DELE1: variants seen among roughly 807,000 people sequenced by gnomAD.
DELE1 encodes the protein death ligand signal enhancer.
Under a neutral mutation model 59.3 loss-of-function variants are expected in DELE1, and 54 were observed. The ratio of observed to expected loss-of-function variants is 0.91; its 90% confidence interval spans 0.73 to 1.14. The LOEUF (loss-of-function observed/expected upper bound fraction) is 1.14. Ranked by LOEUF, DELE1 falls within the 50% of genes most tolerant of loss-of-function variation. The pLI, the probability that DELE1 is intolerant of heterozygous loss-of-function variation, is 0.00. For missense variants in DELE1, 636 were observed against 643.9 expected (o/e 0.99, Z 0.13); for synonymous variants, 264 against 259.1 (o/e 1.02, Z -0.18).
In DELE1 at chr5:141,929,631, C is replaced by T. The variant is rs1284472340; in HGVS notation, c.462C>T (p.His154=). Residue 154 remains histidine, a synonymous_variant, in exon 5 of 12, where the codon CAC becomes CAT. Coordinates refer to ENST00000432126, the MANE Select transcript of DELE1 (RefSeq NM_014773.5). ...GCCCCGATGGCCCAGCTCCCAGGCA[C>T]ACTGGCCTCAGGGAACCCAGGCTTG... is the stretch of plus-strand genomic sequence containing the variant. ...LPSPDGPAPR[H]TGLREPRLGQ... 4 of 1,614,198 alleles carry T rather than the reference C, an allele frequency of 2.5e-6. No homozygotes were observed. The highest frequency in any genetic ancestry group is 3.4e-6 in the Non-Finnish European group (4 of 1,180,040).
chr5:141,934,578 A>T lies in DELE1; in HGVS notation c.1141A>T (p.Asn381Tyr). ...TGTGAAATATCTTTGGCTTGCAGCC[A>T]ACAATGGGGTATGCGATCTCAGTGG... ...RAVKYLWLAA[N>Y]NGDSQSRYHL... The change falls in exon 10 of 12, where the codon AAC becomes TAC. Residue 381 changes from asparagine (N) to tyrosine (Y), a missense_variant. Asn to Tyr is a moderately radical substitution (Grantham distance 143). Coordinates refer to ENST00000432126, the MANE Select transcript of DELE1 (RefSeq NM_014773.5). The T allele has an allele frequency of 6.2e-7, 1 of 1,614,200 alleles. No homozygotes were observed. The highest frequency in any genetic ancestry group is 8.5e-7 in the Non-Finnish European group (1 of 1,179,978).
rs372181695 is a variant in DELE1 at position 141,933,248 on chromosome 5, C to G, written c.755-11C>G. On this transcript the variant is annotated splice_polypyrimidine_tract_variant and intron_variant, in intron 7 of 11. Transcript: ENST00000432126. ...GAGGAAGCTGTGTTTGTGCCCTGTG[C>G]CTTCTTACAGGAACAGAGAACATGA... 383 of 1,526,116 alleles carry G rather than the reference C, an allele frequency of 2.5e-4. No individual in the cohort carries two copies. Among genetic ancestry groups the G allele is most frequent in the Non-Finnish European group, 3.3e-4 (366 of 1,117,948 alleles). 94.5% of individuals were successfully genotyped at this position (1,526,116 alleles called of 1,614,324 possible).
Position 141,930,215 on chromosome 5 carries a change from C to T in DELE1, c.695C>T (p.Ala232Val), listed in dbSNP as rs1234078315. ...DKSKTLSLEE[A>V]VTSIQQLFQL... ...TCAAAAACTCTTTCCCTTGAGGAGG[C>T]TGTGACTTCCATTCAGCAGCTCTTC... The change falls in exon 7 of 12, where the codon GCT becomes GTT. Residue 232 changes from alanine (A) to valine (V), a missense_variant. By Grantham distance (64) the Ala-to-Val change is moderately conservative. Transcript: ENST00000432126. 3.1e-6 allele frequency: 5 copies of T among 1,613,878 alleles called. No homozygotes were observed. In the Admixed American group the frequency reaches 8.3e-5, roughly 27 times the overall value.
intron 11 of DELE1, among the ~76,000 whole-genome samples, chr5:141,937,618 A>C (rs1181658001): frequency 6.6e-6 from 1 of 151,010 alleles, no homozygotes. Context: ...AAAATATAAA[A>C]AAAAATTAGT....
intron 7 of DELE1, 112 bp downstream of exon 7, chr5:141,930,386 TC>T: frequency 1.3e-6 from 1 of 767,004 alleles, no homozygotes; most frequent in Non-Finnish European, 2.1e-6. Context: ...TTTTATTTTC[TC>T]CCAGGTAGGT....
In DELE1 at chr5:141,923,892, G is replaced by A. The variant is rs367883430; in HGVS notation, c.-50G>A. The A allele has an allele frequency of 1.9e-6, 3 of 1,574,756 alleles. 1 individual carries two copies. The South Asian group carries it at 3.5e-5, about 18-fold the overall frequency. On this transcript the variant is annotated 5_prime_UTR_variant, in exon 1 of 12. Transcript: ENST00000432126. ...CGGCCTTTCTAGCCGCTGTCCCAAG[G>A]GTTGGTCTCGCGCTTTCGGCTGCGA...
chr5:141,937,024 G>A (rs769162715), intron 10 of DELE1, 174 bp from the exon 11 acceptor site: 144 of 1,487,088 alleles, frequency 9.7e-5, no homozygotes, highest in Non-Finnish European at 1.2e-4. Context: ...GGTGAGCTCT[G>A]AGCCTCTGGC....
chr5:141,929,788 G>T (rs777999050), intron 5 of DELE1, 48 bp downstream of exon 5: 4 of 1,606,064 alleles, frequency 2.5e-6, no homozygotes, highest in Non-Finnish European at 2.6e-6. Flanking sequence ...GGCGGTGGTG[G>T]TGAGCTGGGC....
At position 141,939,502 on chromosome 5, in the gene DELE1, G is replaced by A. The variant is rs781321302; in HGVS notation, c.*743G>A. On this transcript the variant is annotated 3_prime_UTR_variant, in exon 12 of 12. Coordinates refer to ENST00000432126, the MANE Select transcript of DELE1 (RefSeq NM_014773.5). ...TCGTTTTCATTTCACCTTTGATTTG[G>A]AAGGAAGAAGTTTCTTGCCCAAATG... 1.9e-4 allele frequency: 191 copies of A among 985,698 alleles called. No individual in the cohort carries two copies. The highest frequency in any genetic ancestry group is 2.3e-4 in the Non-Finnish European group (189 of 829,932). The allele number at this position is 985,698 out of a possible 1,614,324, so 61.1% of individuals were successfully genotyped here.
Position 141,939,788 on chromosome 5 carries a change from G to T in DELE1, c.*1029G>T. ...TCCCTATATTGTTTCCTCAGTTGTA[G>T]ACCAAAGGCAATGGTGTCTGCCCTC... is the stretch of plus-strand genomic sequence containing the variant. On this transcript the variant is annotated 3_prime_UTR_variant, in exon 12 of 12. Coordinates refer to ENST00000432126, the MANE Select transcript of DELE1 (RefSeq NM_014773.5). 1 of 794,040 alleles carries T rather than the reference G, an allele frequency of 1.3e-6. No individual in the cohort carries two copies. The highest frequency in any genetic ancestry group is 1.5e-6 in the Non-Finnish European group (1 of 655,706). The allele number at this position is 794,040 out of a possible 1,614,324, so 49.2% of individuals were successfully genotyped here. A position where few individuals can be genotyped will look rare whatever the true frequency, so the allele number is the denominator to read the frequency against.
At chr5:141,938,281 T>G (rs2126901009) in intron 11 of DELE1, among the ~76,000 whole-genome samples, 1 of 152,308 alleles carries the variant, frequency 6.6e-6, no homozygotes, top group Middle Eastern at 3.4e-3. Flanking sequence ...TAGCACAGCC[T>G]GACAGCACAG....
At chr5:141,933,429 C>G in intron 8 of DELE1, 28 bp downstream of exon 8, 3 of 1,411,022 alleles carry the variant, frequency 2.1e-6, no homozygotes, top group Non-Finnish European at 2.8e-6. Context: ...AGCCTGCCTT[C>G]TGTGCTGGGC....
chr5:141,941,979 A>G lies in DELE1; in HGVS notation c.*3220A>G, dbSNP rs1752771169. ...TATACACACGCACACACGCACACAC[A>G]CACACACGGTTTCCTGTGCTACTTC... On this transcript the variant is annotated 3_prime_UTR_variant, in exon 12 of 12. Transcript: ENST00000432126. 1.0e-6 allele frequency: 1 copy of G among 985,130 alleles called. No homozygotes were observed. The highest frequency in any genetic ancestry group is 4.7e-5 in the South Asian group (1 of 21,290). The allele number at this position is 985,130 out of a possible 1,614,324, so 61.0% of individuals were successfully genotyped here.
chr5:141,937,893 C>T (rs1245968170), intron 11 of DELE1, among the ~76,000 whole-genome samples: 4 of 150,106 alleles, frequency 2.7e-5, no homozygotes, highest in Middle Eastern at 3.2e-3. Flanking sequence ...AGCGCGATCT[C>T]GGCTCACTGC....
chr5:141,924,251 G>T (rs920318873), intron 1 of DELE1, among the ~76,000 whole-genome samples: 1 of 152,176 alleles, frequency 6.6e-6, no homozygotes, highest in Non-Finnish European at 1.5e-5. Flanking sequence ...AGGATTAGGG[G>T]CCAATGGAGT....
Position 141,940,989 on chromosome 5 carries a change from A to G in DELE1, c.*2230A>G, listed in dbSNP as rs1752705100. 2.0e-6 allele frequency: 2 copies of G among 982,702 alleles called. No individual in the cohort carries two copies. Among genetic ancestry groups the G allele is most frequent in the Non-Finnish European group, 2.4e-6 (2 of 827,442 alleles). The allele number at this position is 982,702 out of a possible 1,614,324, so 60.9% of individuals were successfully genotyped here. A position where few individuals can be genotyped will look rare whatever the true frequency, so the allele number is the denominator to read the frequency against. On this transcript the variant is annotated 3_prime_UTR_variant, in exon 12 of 12. Coordinates refer to ENST00000432126, the MANE Select transcript of DELE1 (RefSeq NM_014773.5). ...GGTTCCAAGAAGTCCTCCAGTAAAG[A>G]ACTTGGTTAACCCAATGTTTTCTCT...
At position 141,941,220 on chromosome 5, in the gene DELE1, G is replaced by A. The variant is rs958263292; in HGVS notation, c.*2461G>A. The A allele has an allele frequency of 8.1e-6, 8 of 985,512 alleles. No individual in the cohort carries two copies. Among genetic ancestry groups the A allele is most frequent in the African/African-American group, 5.2e-5 (3 of 57,376 alleles). 61.0% of individuals were successfully genotyped at this position (985,512 alleles called of 1,614,324 possible). On this transcript the variant is annotated 3_prime_UTR_variant, in exon 12 of 12. Transcript: ENST00000432126. The stretch of plus-strand genomic sequence containing the variant: ...CTGGTTCACAGTCTGGCCACTGGGC[G>A]TCCTGTGGTGAAGGCCAGATGCAGC...
Position 141,933,310 on chromosome 5 carries a change from A to G in DELE1, c.806A>G (p.Gln269Arg). The G allele has an allele frequency of 6.4e-7, 1 of 1,571,034 alleles. No homozygotes were observed. The highest frequency in any genetic ancestry group is 1.3e-5 in the African/African-American group (1 of 74,102). Residue 269 changes from glutamine (Q) to arginine (R), a missense_variant, in exon 8 of 12, where the codon CAG becomes CGG. Gln to Arg is a conservative substitution (Grantham distance 43, BLOSUM62 1). Transcript: ENST00000432126. ...GDHTAAFSYF[Q>R]KAAARGYSKA... Reference sequence around the variant, plus strand: ...CACACGGCAGCCTTTTCTTACTTCCAGAAAGCTGCAGCCCGCGGCTACAGC... The same window carrying G: ...CACACGGCAGCCTTTTCTTACTTCCGGAAAGCTGCAGCCCGCGGCTACAGC...
intron 10 of DELE1, among the ~76,000 whole-genome samples, chr5:141,935,744 C>T (rs1177883842): frequency 1.3e-5 from 2 of 152,220 alleles, no homozygotes; most frequent in Non-Finnish European, 2.9e-5. Flanking sequence ...GCATGCTGGC[C>T]TGCTTTAATC....
Sources: allele counts gnomAD v4.1 joint callset (sites outside exome capture counted in the v4.1 genomes callset), GRCh38; gene constraint gnomAD v4.1.1; transcripts MANE v1.5; gene names NCBI Gene and HGNC (gene_info 2026-07-23, HGNC 2026-07-21).